Variants in ADAMTS18 observed in about 807,000 individuals in gnomAD.
ADAMTS18 encodes the protein A disintegrin and metalloproteinase with thrombospondin motifs 18.
A neutral mutation model predicts 165.9 loss-of-function variants in ADAMTS18; 157 were observed. The observed-to-expected ratio is 0.95, with a 90% confidence interval of 0.83 to 1.08. The LOEUF is 1.08. Among genes scored for constraint, ADAMTS18 ranks in the 50% least tolerant of loss-of-function variants. ADAMTS18 has a pLI of 0.00. For synonymous variants in ADAMTS18, 782 were observed against 578.2 expected, an observed-to-expected ratio of 1.35 and a Z score of -5.06; for missense variants, 2,040 against 1,534.0, an observed-to-expected ratio of 1.33 and a Z score of -5.51.
intron 3 of ADAMTS18, among the ~76,000 whole-genome samples, chr16:77,370,365 T>A (rs564535072): frequency 8.5e-5 from 13 of 152,136 alleles, no homozygotes; most frequent in South Asian, 6.2e-4. Flanking sequence ...ACTATTAGAA[T>A]AGAGGAACAC....
intron 12 of ADAMTS18, among the ~76,000 whole-genome samples, chr16:77,327,219 G>C (rs1159869641): frequency 6.6e-6 from 1 of 152,140 alleles, no homozygotes; most frequent in Non-Finnish European, 1.5e-5. Flanking sequence ...TATTTCAATA[G>C]GTTGTTTGGT....
intron 3 of ADAMTS18, among the ~76,000 whole-genome samples, chr16:77,400,484 TG>T (rs1241965195): frequency 0.056 from 6,197 of 111,552 alleles, 238 homozygotes; most frequent in East Asian, 0.17. Flanking sequence ...GTGTGTGTTT[TG>T]TTTTTTTTTT....
intron 10 of ADAMTS18, 90 bp from the exon 11 acceptor site, chr16:77,341,889 G>C: frequency 9.4e-7 from 1 of 1,058,398 alleles, no homozygotes; most frequent in Non-Finnish European, 1.4e-6. Context: ...ATTATATTTT[G>C]GGGTAGCTGA....
At position 77,286,262 on chromosome 16, in the gene ADAMTS18, G is replaced by A. The variant is rs547898206; in HGVS notation, c.3551-2191C>T. Among the ~76,000 whole-genome samples, 17 of 152,236 alleles carry A rather than the reference G, an allele frequency of 1.1e-4. No homozygotes were observed. In the South Asian group the frequency reaches 3.5e-3, roughly 32 times the overall value. ...AAGTGCTAAATAATCAAGTGGTCGTGCCTGATCATTATAATCTGAAGGTGT... is the reference window on the plus strand; with the variant it reads ...AAGTGCTAAATAATCAAGTGGTCGTACCTGATCATTATAATCTGAAGGTGT... On this transcript the variant is annotated intron_variant, in intron 22 of 22. Transcript: ENST00000282849.
intron 20 of ADAMTS18, among the ~76,000 whole-genome samples, chr16:77,292,078 G>A (rs967477813): frequency 6.6e-6 from 1 of 152,164 alleles, no homozygotes; most frequent in African/African-American, 2.4e-5. Context: ...GTCTGGGGCA[G>A]GTGGATCACT....
rs112684876 is a variant in ADAMTS18, at chr16:77,434,539, G to A, written c.91-34C>T. 3.2e-3 allele frequency: 4,913 copies of A among 1,537,034 alleles called. 140 individuals are homozygous for A. The African/African-American group carries it at 0.057, about 18-fold the overall frequency. On this transcript the variant is annotated intron_variant, in intron 1 of 22. Coordinates refer to ENST00000282849, the MANE Select transcript of ADAMTS18 (RefSeq NM_199355.4). The stretch of plus-strand genomic sequence containing the variant: ...GAAAAGGTGACATCGCGCGTGAGGG[G>A]CGCGGCGGGGCTGGCGTCGGGCGCC...
chr16:77,392,429 C>T (rs2057200334), intron 3 of ADAMTS18, among the ~76,000 whole-genome samples: 1 of 152,136 alleles, frequency 6.6e-6, no homozygotes, highest in South Asian at 2.1e-4. Flanking sequence ...CTGCCCTAAA[C>T]ACTTCTCCCC....
chr16:77,434,474 G>T lies in ADAMTS18; in HGVS notation c.122C>A (p.Ser41Ter). 1.3e-6 allele frequency: 2 copies of T among 1,569,970 alleles called. No homozygotes were observed. The highest frequency in any genetic ancestry group is 1.2e-5 in the South Asian group (1 of 86,490). Residue 41 changes from serine to a stop codon, truncating the protein, a stop_gained, in exon 2 of 23, where the codon TCG (serine) becomes TAG (stop). Coordinates refer to ENST00000282849, the MANE Select transcript of ADAMTS18 (RefSeq NM_199355.4). LOFTEE classifies it high-confidence loss of function. ...ALQLCCLCCA[S>*]VAAALASDSS... ...GTCACTGGCTAAGGCCGCGGCGACC[G>T]ACGCACAGCAGAGGCAGCACAGCTG...
intron 21 of ADAMTS18, among the ~76,000 whole-genome samples, chr16:77,290,295 G>A (rs1399498595): frequency 2.0e-5 from 3 of 152,094 alleles, no homozygotes; most frequent in African/African-American, 7.2e-5. Flanking sequence ...AAGCAGCTGT[G>A]GTCAATATAT....
At chr16:77,364,029 TAAA>T in intron 5 of ADAMTS18, 144 bp from the exon 6 acceptor site, 1 of 1,271,850 alleles carries the variant, frequency 7.9e-7, no homozygotes, top group East Asian at 2.4e-5. Flanking sequence ...AAACTCAACT[TAAA>T]AAAATAAAAC....
chr16:77,362,269 G>A lies in ADAMTS18; in HGVS notation c.1057-5C>T. 2 of 1,614,044 alleles carry A rather than the reference G, an allele frequency of 1.2e-6. No individual in the cohort carries two copies. Among genetic ancestry groups the A allele is most frequent in the South Asian group, 1.1e-5 (1 of 91,076 alleles). ...ATGGTTGATCAATAATCCTCCCTATGGGAAACCCACACAAATCAAAGTGTG... is the reference window on the plus strand; with the variant it reads ...ATGGTTGATCAATAATCCTCCCTATAGGAAACCCACACAAATCAAAGTGTG... On this transcript the variant is annotated splice_polypyrimidine_tract_variant and splice_region_variant and intron_variant, in intron 6 of 22. Coordinates refer to ENST00000282849, the MANE Select transcript of ADAMTS18 (RefSeq NM_199355.4).
intron 3 of ADAMTS18, among the ~76,000 whole-genome samples, chr16:77,369,687 C>A (rs780763692): frequency 2.0e-5 from 3 of 152,190 alleles, no homozygotes; most frequent in East Asian, 1.9e-4. Context: ...TAATACCAAT[C>A]CTTTGCAAAC....
intron 10 of ADAMTS18, among the ~76,000 whole-genome samples, chr16:77,344,140 T>A (rs1158819775): frequency 7.2e-6 from 1 of 138,342 alleles, no homozygotes; most frequent in Non-Finnish European, 1.6e-5. Flanking sequence ...CATACATATA[T>A]ATGTATGTGT....
intron 22 of ADAMTS18, among the ~76,000 whole-genome samples, chr16:77,287,938 G>A (rs1597076821): frequency 6.6e-6 from 1 of 152,164 alleles, no homozygotes; most frequent in South Asian, 2.1e-4. Flanking sequence ...GGACCCAGCT[G>A]TATTCTTTCA....
intron 3 of ADAMTS18, among the ~76,000 whole-genome samples, chr16:77,387,310 T>C (rs1005772633): frequency 3.9e-5 from 6 of 152,186 alleles, no homozygotes; most frequent in African/African-American, 1.4e-4. Context: ...TCATGTCGGA[T>C]AGTCATGGGT....
intron 3 of ADAMTS18, among the ~76,000 whole-genome samples, chr16:77,414,286 G>C (rs1210511099): frequency 6.6e-6 from 1 of 152,162 alleles, no homozygotes; most frequent in African/African-American, 2.4e-5. Flanking sequence ...GGAACTTCAG[G>C]GTAGGAAATG....
chr16:77,284,149 C>G (rs1213979310), intron 22 of ADAMTS18, 78 bp from the exon 23 acceptor site: 2 of 921,970 alleles, frequency 2.2e-6, no homozygotes, highest in Non-Finnish European at 3.4e-6. Flanking sequence ...GAGATGGAGT[C>G]TCACTCTGTT....
At chr16:77,393,457 A>G (rs2057216727) in intron 3 of ADAMTS18, among the ~76,000 whole-genome samples, 1 of 152,194 alleles carries the variant, frequency 6.6e-6, no homozygotes, top group South Asian at 2.1e-4. Context: ...GAATGTTTGT[A>G]TCACTCCAAC....
chr16:77,337,594 C>G (rs922876483), intron 11 of ADAMTS18, among the ~76,000 whole-genome samples: 1 of 152,328 alleles, frequency 6.6e-6, no homozygotes. Flanking sequence ...ACTTCTACTT[C>G]TCATCTTGGA....
Sources: gnomAD v4.1 joint callset for allele counts (sites outside exome capture counted in the v4.1 genomes callset) on GRCh38, gnomAD v4.1.1 for gene constraint, MANE v1.5 for transcripts, NCBI Gene and HGNC (gene_info 2026-07-23, HGNC 2026-07-21) for gene names.